Variants in SPAST observed in about 807,000 individuals in gnomAD.
SPAST encodes spastin.
SPAST carries 30 observed loss-of-function variants against 76.6 expected under a neutral mutation model. The observed-to-expected ratio is 0.39, with a 90% confidence interval of 0.29 to 0.53. The LOEUF (loss-of-function observed/expected upper bound fraction) is 0.53. Ranked by LOEUF, SPAST falls within the 20% of genes least tolerant of loss-of-function variation. The probability of loss-of-function intolerance (pLI) is 0.68; values close to 1 mark genes in which losing one functional copy is unlikely to be tolerated. For synonymous variants in SPAST, 305 were observed against 281.0 expected, an observed-to-expected ratio of 1.09 and a Z score of -0.86; for missense variants, 717 against 770.5, an observed-to-expected ratio of 0.93 and a Z score of 0.82.
At chr2:32,078,616 C>T (rs902946134) in intron 1 of SPAST, among the ~76,000 whole-genome samples, 3 of 152,156 alleles carry the variant, frequency 2.0e-5, no homozygotes. Flanking sequence ...TGGCATTGCA[C>T]TCCAGCTTGG....
intron 4 of SPAST, among the ~76,000 whole-genome samples, chr2:32,103,833 A>C (rs1678217448): frequency 6.6e-6 from 1 of 152,152 alleles, no homozygotes; most frequent in Non-Finnish European, 1.5e-5. Flanking sequence ...CCTGAGAGAC[A>C]GTTTGTTGTA....
intron 1 of SPAST, among the ~76,000 whole-genome samples, chr2:32,070,637 A>G (rs532420878): frequency 1.7e-4 from 26 of 152,300 alleles, no homozygotes; most frequent in East Asian, 9.7e-4. Context: ...ATATATGTAC[A>G]TACACATTTT....
chr2:32,128,392 C>T lies in SPAST; in HGVS notation c.1174-16C>T. ...ATATTGAACTAATTTAATATTTGCTCTTGTGATTTTTAAAGGCTAAAGCAG... is the reference window on the plus strand; with the variant it reads ...ATATTGAACTAATTTAATATTTGCTTTTGTGATTTTTAAAGGCTAAAGCAG... On this transcript the variant is annotated splice_polypyrimidine_tract_variant and intron_variant, in intron 8 of 16. Coordinates refer to ENST00000315285, the MANE Select transcript of SPAST (RefSeq NM_014946.4). The T allele has an allele frequency of 2.6e-6, 4 of 1,568,272 alleles. No individual in the cohort carries two copies. Among genetic ancestry groups the T allele is most frequent in the African/African-American group, 2.7e-5 (2 of 74,214 alleles).
At chr2:32,142,850 C>T (rs1311407005) in intron 13 of SPAST, among the ~76,000 whole-genome samples, 2 of 152,152 alleles carry the variant, frequency 1.3e-5, no homozygotes, top group Non-Finnish European at 2.9e-5. Context: ...TGTATTAAAA[C>T]TCATTGAATT....
intron 4 of SPAST, 62 bp from the exon 5 acceptor site, chr2:32,114,576 T>G (rs895173062): frequency 2.3e-6 from 3 of 1,291,628 alleles, no homozygotes; most frequent in Admixed American, 1.7e-5. Context: ...TACAAATGTT[T>G]GCTTGTCTTT....
At chr2:32,132,853 C>A (rs1421336240) in intron 9 of SPAST, among the ~76,000 whole-genome samples, 1 of 152,030 alleles carries the variant, frequency 6.6e-6, no homozygotes, top group Non-Finnish European at 1.5e-5. Flanking sequence ...ATACAAATCT[C>A]TACTAAATAC....
rs2148735936 is a variant in SPAST, at chr2:32,117,636, A to G, written c.1098+1424A>G. 1.3e-5 allele frequency among the ~76,000 whole-genome samples: 2 copies of G among 148,244 alleles called. 1 individual carries two copies. Among genetic ancestry groups the G allele is most frequent in the East Asian group, 4.0e-4 (2 of 4,976 alleles). ...AACCTCTGCCTTTGGGGTTCAAGTG[A>G]TTCTCATGCCTCATCCTCCTGAGTA... On this transcript the variant is annotated intron_variant, in intron 7 of 16. Transcript: ENST00000315285.
chr2:32,140,697 A>T lies in SPAST; in HGVS notation c.1494-1207A>T, dbSNP rs539287950. Among the ~76,000 whole-genome samples the T allele has an allele frequency of 2.7e-3, 415 of 152,162 alleles. 2 individuals are homozygous for T. The highest frequency in any genetic ancestry group is 4.6e-3 in the Non-Finnish European group (313 of 67,992). On this transcript the variant is annotated intron_variant, in intron 12 of 16. Coordinates refer to ENST00000315285, the MANE Select transcript of SPAST (RefSeq NM_014946.4). The stretch of plus-strand genomic sequence containing the variant: ...TCCCAGCACTTTGGGAGGCCAGATC[A>T]CTTGAGGCCGGGAATTCCAGACCAG...
intron 9 of SPAST, among the ~76,000 whole-genome samples, chr2:32,131,231 A>T (rs1198314890): frequency 6.6e-6 from 1 of 152,102 alleles, no homozygotes; most frequent in Non-Finnish European, 1.5e-5. Flanking sequence ...GTTAATTTGT[A>T]CTTATTCTTC....
At chr2:32,108,649 C>G (rs1427534133) in intron 4 of SPAST, among the ~76,000 whole-genome samples, 2 of 151,300 alleles carry the variant, frequency 1.3e-5, no homozygotes, top group Non-Finnish European at 2.9e-5. Flanking sequence ...TGGGGTTTCC[C>G]CATGTTGGCC....
Position 32,155,939 on chromosome 2 carries a change from C to G in SPAST, c.*1443C>G, listed in dbSNP as rs1680236106. 6.6e-6 allele frequency: 1 copy of G among 152,356 alleles called. No individual in the cohort carries two copies. The highest frequency in any genetic ancestry group is 2.4e-5 in the African/African-American group (1 of 41,386). 9.4% of individuals were successfully genotyped at this position (152,356 alleles called of 1,614,324 possible). ...ATACATTAAAATAAAAAACTTGCCC[C>G]TACTAGGTAAGAACTTTATAATGAA... On this transcript the variant is annotated 3_prime_UTR_variant, in exon 17 of 17. Coordinates refer to ENST00000315285, the MANE Select transcript of SPAST (RefSeq NM_014946.4).
Position 32,115,851 on chromosome 2 carries a change from T to C in SPAST, c.1004+16T>C, listed in dbSNP as rs189951674. ...TTGTGGACAAGTAAGTTTTGCCATC[T>C]AAATGTTTTATTTTATAGTTTTTAT... On this transcript the variant is annotated intron_variant, in intron 6 of 16. Coordinates refer to ENST00000315285, the MANE Select transcript of SPAST (RefSeq NM_014946.4). The C allele has an allele frequency of 7.9e-5, 125 of 1,591,090 alleles. No individual in the cohort carries two copies. The highest frequency in any genetic ancestry group is 1.1e-4 in the Non-Finnish European group (123 of 1,162,768).
rs937372798 is a variant in SPAST, at chr2:32,063,643, G to A, written c.-189G>A. The A allele has an allele frequency of 1.4e-6, 1 of 691,286 alleles. No individual in the cohort carries two copies. The highest frequency in any genetic ancestry group is 1.9e-5 in the African/African-American group (1 of 52,910). The allele number at this position is 691,286 out of a possible 1,614,324, so 42.8% of individuals were successfully genotyped here. On this transcript the variant is annotated 5_prime_UTR_variant, in exon 1 of 17. Coordinates refer to ENST00000315285, the MANE Select transcript of SPAST (RefSeq NM_014946.4). ...GCCACCGACTGCAGGAGGAGAAGGG[G>A]TTGTGCTCCTGGCCGAGGAAGGAGA... is the stretch of plus-strand genomic sequence containing the variant.
At position 32,068,112 on chromosome 2, in the gene SPAST, G is replaced by T. The variant is rs542705763; in HGVS notation, c.415+3866G>T. 4.5e-4 allele frequency among the ~76,000 whole-genome samples: 68 copies of T among 150,798 alleles called. 1 individual carries two copies. The highest frequency in any genetic ancestry group is 1.6e-3 in the African/African-American group (67 of 41,006). The stretch of plus-strand genomic sequence containing the variant: ...TCCTGCCTCAGCTTCCCGAGTAGCT[G>T]GGACTACAGGCGCCCGCCACCATGC... On this transcript the variant is annotated intron_variant, in intron 1 of 16. Transcript: ENST00000315285.
chr2:32,067,478 G>A (rs570198089), intron 1 of SPAST, among the ~76,000 whole-genome samples: 1 of 152,202 alleles, frequency 6.6e-6, no homozygotes, highest in East Asian at 1.9e-4. Flanking sequence ...TAGATTTGAA[G>A]AAATAGCAGT....
intron 4 of SPAST, among the ~76,000 whole-genome samples, chr2:32,103,430 T>C (rs1431987326): frequency 1.3e-5 from 2 of 152,298 alleles, no homozygotes; most frequent in Admixed American, 1.3e-4. Flanking sequence ...CCTGGATTCA[T>C]TGATTTTTTG....
intron 1 of SPAST, chr2:32,066,139 A>C (rs188780195): frequency 6.6e-6 from 1 of 151,864 alleles, no homozygotes; most frequent in African/African-American, 2.4e-5. Flanking sequence ...ACGGCTGGCT[A>C]ATTTTTTGTA....
intron 1 of SPAST, among the ~76,000 whole-genome samples, chr2:32,073,249 T>C (rs1046420002): frequency 1.3e-5 from 2 of 152,204 alleles, no homozygotes; most frequent in African/African-American, 4.8e-5. Flanking sequence ...GCCAGGTTGG[T>C]CTCGAACTCC....
chr2:32,076,909 T>C (rs1205871555), intron 1 of SPAST, among the ~76,000 whole-genome samples: 1 of 152,114 alleles, frequency 6.6e-6, no homozygotes, highest in Non-Finnish European at 1.5e-5. Flanking sequence ...AGAGTCTCGT[T>C]GTGTCGCCCA....
Sources: gnomAD v4.1 joint callset for allele counts (sites outside exome capture counted in the v4.1 genomes callset) on GRCh38, gnomAD v4.1.1 for gene constraint, MANE v1.5 for transcripts, NCBI Gene and HGNC (gene_info 2026-07-23, HGNC 2026-07-21) for gene names.